The following EPM2A variants were observed in gnomAD, a reference collection of about 807,000 sequenced individuals.
EPM2A encodes the protein laforin.
In EPM2A, 21 loss-of-function variants were observed where a neutral mutation model predicts 26.5. The ratio of observed to expected loss-of-function variants is 0.79; its 90% CI spans 0.56 to 1.14. The LOEUF is 1.14. Ranked by LOEUF, EPM2A falls within the 50% of genes most tolerant of loss-of-function variation. The probability of loss-of-function intolerance (pLI) is 0.00; values close to 1 mark genes in which losing one functional copy is unlikely to be tolerated. For synonymous variants in EPM2A, 217 were observed against 177.6 expected, an observed-to-expected ratio of 1.22 and a Z score of -1.76; for missense variants, 458 against 440.8, an observed-to-expected ratio of 1.04 and a Z score of -0.35.
chr6:145,435,580 T>A (rs80287812), intron 4 of EPM2A, among the ~76,000 whole-genome samples: 137 of 151,874 alleles, frequency 9.0e-4, no homozygotes, highest in African/African-American at 3.0e-3. Context: ...TGATTTTTTT[T>A]AATTTATTTT....
At chr6:145,581,461 T>C (rs764056169) in intron 2 of EPM2A, among the ~76,000 whole-genome samples, 1 of 152,204 alleles carries the variant, frequency 6.6e-6, no homozygotes, top group Non-Finnish European at 1.5e-5. Flanking sequence ...TTTACTCGGT[T>C]GATAGTTTAT....
chr6:145,433,078 A>G (rs1489723976), intron 4 of EPM2A, among the ~76,000 whole-genome samples: 2 of 152,148 alleles, frequency 1.3e-5, no homozygotes, highest in Non-Finnish European at 2.9e-5. Flanking sequence ...TTGACCTTCT[A>G]TCCAGACCAT....
At position 145,662,056 on chromosome 6, in the gene EPM2A, GAAATGGGTTTTTGAAAAAACC is replaced by G. The variant is rs1461163120; in HGVS notation, c.476+24045_476+24065del. On this transcript the variant is annotated intron_variant, in intron 2 of 3. Transcript: ENST00000367519. Reference sequence around the variant, plus strand: ...CAAGGGACAGAGCATGCTTGGAAAGGAAATGGGTTTTTGAAAAAACCATTTCCCCACCTACTGTCACAGAAT... The same window carrying G: ...CAAGGGACAGAGCATGCTTGGAAAGGATTTCCCCACCTACTGTCACAGAAT... 2.0e-5 allele frequency among the ~76,000 whole-genome samples: 3 copies of G among 152,222 alleles called. No homozygotes were observed. In the East Asian group the frequency reaches 5.8e-4, roughly 29 times the overall value.
intron 1 of EPM2A, among the ~76,000 whole-genome samples, chr6:145,733,285 C>CA (rs1379549556): frequency 7.7e-6 from 1 of 129,506 alleles, no homozygotes; most frequent in Non-Finnish European, 1.7e-5. Context: ...AAATATTTAT[C>CA]AAAAAAACTG....
intron 4 of EPM2A, among the ~76,000 whole-genome samples, chr6:145,457,931 A>C (rs149430904): frequency 3.7e-4 from 57 of 152,378 alleles, no homozygotes; most frequent in Non-Finnish European, 6.8e-4. Flanking sequence ...CAAGAAACTT[A>C]TTAGACAATA....
At chr6:145,732,907 C>G (rs1464847028) in intron 1 of EPM2A, among the ~76,000 whole-genome samples, 1 of 152,190 alleles carries the variant, frequency 6.6e-6, no homozygotes, top group Admixed American at 6.5e-5. Flanking sequence ...TATTAGGCAG[C>G]TTGGTCCTTT....
chr6:145,691,400 C>T (rs1210725252), intron 1 of EPM2A, among the ~76,000 whole-genome samples: 7 of 152,006 alleles, frequency 4.6e-5, no homozygotes, highest in Non-Finnish European at 8.8e-5. Flanking sequence ...CTATTTCCTT[C>T]AGGAAAAAAA....
intron 2 of EPM2A, among the ~76,000 whole-genome samples, chr6:145,561,610 A>G (rs374720835): frequency 7.1e-4 from 108 of 152,248 alleles, no homozygotes; most frequent in African/African-American, 2.5e-3. Flanking sequence ...GCAACCCCTA[A>G]CAATAGGCCC....
At position 145,490,488 on chromosome 6, in the gene EPM2A, A is replaced by G. The variant is rs1025031781; in HGVS notation, c.555+12034T>C. ...TATGTTTTCTAAGATGTTCTTTAAA[A>G]TGTCCAGAACAGTCAAACTGCTTCT... On this transcript the variant is annotated intron_variant, in intron 4 of 4. Coordinates refer to the EPM2A transcript ENST00000638717. 3.3e-5 allele frequency: 24 copies of G among 718,462 alleles called. No homozygotes were observed. In the Admixed American group the frequency reaches 4.5e-4, roughly 13 times the overall value. The allele number at this position is 718,462 out of a possible 1,614,324, so 44.5% of individuals were successfully genotyped here.
chr6:145,420,036 A>G (rs1469583393), intron 4 of EPM2A, among the ~76,000 whole-genome samples: 1 of 152,136 alleles, frequency 6.6e-6, no homozygotes. Context: ...AATCAAAACC[A>G]TGGTCTCAGC....
intron 2 of EPM2A, chr6:145,670,255 A>G (rs1779546517): frequency 6.6e-6 from 1 of 152,180 alleles, no homozygotes; most frequent in African/African-American, 2.4e-5. Context: ...GTAAAATTCT[A>G]TATTTTACAG....
chr6:145,421,254 G>C (rs951943793), intron 4 of EPM2A, among the ~76,000 whole-genome samples: 2 of 152,232 alleles, frequency 1.3e-5, no homozygotes, highest in East Asian at 3.9e-4. Flanking sequence ...CAAGAAGAAT[G>C]ATACTTTGTG....
rs375832307 is a variant in EPM2A at position 145,628,383 on chromosome 6, C to T, written c.719-690G>A. Reference sequence around the variant, plus strand: ...AGATTATTCAAATATCTTCTCAACACGCCAGGAGAGGACACGTTATGCCCT... The same window carrying T: ...AGATTATTCAAATATCTTCTCAACATGCCAGGAGAGGACACGTTATGCCCT... On this transcript the variant is annotated intron_variant, in intron 3 of 3. Coordinates refer to ENST00000367519, the MANE Select transcript of EPM2A (RefSeq NM_005670.4). The T allele has an allele frequency of 2.0e-4, 31 of 153,526 alleles. No individual in the cohort carries two copies. In the South Asian group the frequency reaches 4.3e-3, roughly 21 times the overall value. 9.5% of individuals were successfully genotyped at this position (153,526 alleles called of 1,614,324 possible). A position where few individuals can be genotyped will look rare whatever the true frequency, so the allele number is the denominator to read the frequency against.
intron 2 of EPM2A, among the ~76,000 whole-genome samples, chr6:145,606,139 A>G (rs1775251942): frequency 6.6e-6 from 1 of 152,124 alleles, no homozygotes; most frequent in Admixed American, 6.5e-5. Flanking sequence ...AAACAAAACC[A>G]GAAAAGTTTT....
At chr6:145,409,229 C>T (rs1283177277) in intron 4 of EPM2A, among the ~76,000 whole-genome samples, 1 of 151,888 alleles carries the variant, frequency 6.6e-6, no homozygotes. Flanking sequence ...TTATTAAGTC[C>T]TTTCACACAC....
chr6:145,467,242 T>G lies in EPM2A; in HGVS notation c.555+35280A>C, dbSNP rs1473053194. On this transcript the variant is annotated intron_variant, in intron 4 of 4. Coordinates refer to the EPM2A transcript ENST00000638717. ...ACTTTATGTATAATTGTTTGGTCTATTTCAAAATAATTTTGTGAGGGTGCG... is the reference window on the plus strand; with the variant it reads ...ACTTTATGTATAATTGTTTGGTCTAGTTCAAAATAATTTTGTGAGGGTGCG... Among the ~76,000 whole-genome samples, 5 of 152,266 alleles carry G rather than the reference T, an allele frequency of 3.3e-5. No homozygotes were observed. In the Middle Eastern group the frequency reaches 0.01, roughly 311 times the overall value.
intron 4 of EPM2A, among the ~76,000 whole-genome samples, chr6:145,464,482 A>AT (rs1779362323): frequency 6.6e-6 from 1 of 151,800 alleles, no homozygotes; most frequent in Admixed American, 6.6e-5. Flanking sequence ...AAGCTTTGTA[A>AT]TTTTTTCCTA....
intron 2 of EPM2A, among the ~76,000 whole-genome samples, chr6:145,667,527 G>A (rs1779299462): frequency 6.6e-6 from 1 of 151,192 alleles, no homozygotes; most frequent in Admixed American, 6.6e-5. Flanking sequence ...AGGTGCTGGA[G>A]AGGATGTGGA....
At chr6:145,435,081 T>C (rs187311568) in intron 4 of EPM2A, among the ~76,000 whole-genome samples, 1 of 152,326 alleles carries the variant, frequency 6.6e-6, no homozygotes, top group Non-Finnish European at 1.5e-5. Flanking sequence ...AGGCCGATAC[T>C]GGCCCCATGC....
Sources: gnomAD v4.1 joint callset for allele counts (sites outside exome capture counted in the v4.1 genomes callset) on GRCh38, gnomAD v4.1.1 for gene constraint, MANE v1.5 for transcripts, NCBI Gene and HGNC (gene_info 2026-07-23, HGNC 2026-07-21) for gene names.